Variants in ZXDC observed in about 807,000 individuals in gnomAD.
ZXDC encodes the protein zinc finger protein ZXDC.
A neutral mutation model predicts 63.6 loss-of-function variants in ZXDC; 58 were observed. That is an observed-to-expected ratio of 0.91 (90% CI 0.74 to 1.13). The LOEUF (loss-of-function observed/expected upper bound fraction) is 1.13, where lower values mean the gene tolerates loss of function less well. Among genes scored for constraint, ZXDC ranks in the 50% most tolerant of loss-of-function variants. The pLI is 0.00. For missense variants in ZXDC, 1,133 were observed against 1,148.9 expected (o/e 0.99, Z 0.20); for synonymous variants, 561 against 496.1 (o/e 1.13, Z -1.74).
intron 7 of ZXDC, chr3:126,452,911 AT>A (rs201707035): frequency 1.8e-4 from 105 of 581,916 alleles, no homozygotes; most frequent in Middle Eastern, 8.8e-4. Flanking sequence ...GCTAATTATT[AT>A]TTTTTTTACA....
rs759488782 is a variant in ZXDC, at chr3:126,459,692, C to A, written c.2173G>T (p.Ala725Ser). 1.9e-5 allele frequency: 30 copies of A among 1,614,170 alleles called. No individual in the cohort carries two copies. The highest frequency in any genetic ancestry group is 2.5e-5 in the Non-Finnish European group (29 of 1,180,020). Reference protein sequence around the residue: ...ARTDYRAIQLAKEKKQRGAGS... With the variant: ...ARTDYRAIQLSKEKKQRGAGS... Reference sequence around the variant, plus strand: ...GCTCCTCTCTGCTTTTTTTCCTTGGCTAGTTGAATGGCTCGGTAATCAGTT... The same window carrying A: ...GCTCCTCTCTGCTTTTTTTCCTTGGATAGTTGAATGGCTCGGTAATCAGTT... The change falls in exon 7 of 10, where the codon GCC becomes TCC. Residue 725 changes from alanine (A) to serine (S), a missense_variant. By Grantham distance (99) the Ala-to-Ser change is moderately conservative. Coordinates refer to ENST00000389709, the MANE Select transcript of ZXDC (RefSeq NM_025112.5).
chr3:126,460,861 T>C (rs1934499633), intron 6 of ZXDC: 1 of 985,288 alleles, frequency 1.0e-6, no homozygotes, highest in Admixed American at 6.1e-5. Flanking sequence ...CTCAACAATA[T>C]AAATGTCACC....
At chr3:126,439,590 G>A (rs1301371574) in intron 9 of ZXDC, 42 bp downstream of exon 9, 40 of 1,551,116 alleles carry the variant, frequency 2.6e-5, no homozygotes, top group African/African-American at 5.5e-5. Context: ...AAGGCTCTGC[G>A]AGTCTCAATA....
At chr3:126,440,145 G>A (rs1463880857) in intron 8 of ZXDC, 9 of 1,011,384 alleles carry the variant, frequency 8.9e-6, no homozygotes, top group Non-Finnish European at 1.1e-5. Context: ...GCCCCAGCTT[G>A]CCTACGGGCC....
Position 126,462,184 on chromosome 3 carries a change from G to C in ZXDC, c.1478C>G (p.Thr493Ser). 1 of 1,606,416 alleles carries C rather than the reference G, an allele frequency of 6.2e-7. No individual in the cohort carries two copies. The highest frequency in any genetic ancestry group is 8.5e-7 in the Non-Finnish European group (1 of 1,177,760). ...TGGGCTGCTGAGTTCACTGCTGGGA[G>C]TAAGAGAACTCGGAGCTTCTAGCTG... ...LPQLEAPSSL[T>S]PSSELSSPGQ... The change falls in exon 6 of 10, where the codon ACT becomes AGT. Residue 493 changes from threonine (T) to serine (S), a missense_variant. Transcript: ENST00000389709.
At chr3:126,465,830 G>A (rs1934735483) in intron 5 of ZXDC, among the ~76,000 whole-genome samples, 1 of 152,086 alleles carries the variant, frequency 6.6e-6, no homozygotes, top group Non-Finnish European at 1.5e-5. Context: ...GGATGCCTGT[G>A]GGCTCAGCTA....
intron 8 of ZXDC, chr3:126,440,268 C>T (rs1933625851): frequency 2.0e-6 from 2 of 989,650 alleles, no homozygotes; most frequent in African/African-American, 3.5e-5. Context: ...CCTGCACCTG[C>T]ATGTCCGCCC....
At chr3:126,460,262 A>T (rs1446551691) in intron 6 of ZXDC, 1 of 602,958 alleles carries the variant, frequency 1.7e-6, no homozygotes, top group Admixed American at 6.3e-5. Context: ...AGGGAGTCAG[A>T]CAGTACTCAG....
chr3:126,444,225 A>T (rs946247952), intron 7 of ZXDC, among the ~76,000 whole-genome samples: 1 of 152,202 alleles, frequency 6.6e-6, no homozygotes, highest in African/African-American at 2.4e-5. Flanking sequence ...AAAAATACTG[A>T]AACATGTTAT....
chr3:126,448,932 C>T (rs16837490), intron 7 of ZXDC, among the ~76,000 whole-genome samples: 9,034 of 152,308 alleles, frequency 0.059, 326 homozygotes, highest in African/African-American at 0.076. Context: ...CGGCCAGCAT[C>T]CACACGGCAG....
Position 126,438,141 on chromosome 3 carries a change from C to A in ZXDC, c.*234G>T. ...GCACCTAGCCCTGCTGAGGGAGACC[C>A]TTGCCTTGCCAAAGCACTTTGCTCA... On this transcript the variant is annotated 3_prime_UTR_variant, in exon 10 of 10. Transcript: ENST00000389709. The A allele has an allele frequency of 1.7e-6, 1 of 572,838 alleles. No individual in the cohort carries two copies. Among genetic ancestry groups the A allele is most frequent in the Non-Finnish European group, 3.1e-6 (1 of 319,328 alleles). The allele number at this position is 572,838 out of a possible 1,614,324, so 35.5% of individuals were successfully genotyped here.
intron 3 of ZXDC, 77 bp from the exon 4 acceptor site, chr3:126,471,102 C>G: frequency 6.5e-7 from 1 of 1,532,832 alleles, no homozygotes; most frequent in South Asian, 1.2e-5. Flanking sequence ...ACAAAACATA[C>G]CAAAACACAA....
chr3:126,460,460 G>A (rs77808602), intron 6 of ZXDC: 1 of 984,794 alleles, frequency 1.0e-6, no homozygotes, highest in South Asian at 4.7e-5. Flanking sequence ...ATGAACACGG[G>A]GTTAAGACCA....
At chr3:126,461,323 T>C in intron 6 of ZXDC, 2 of 1,368,146 alleles carry the variant, frequency 1.5e-6, no homozygotes, top group Non-Finnish European at 1.9e-6. Flanking sequence ...CAAATCTCCT[T>C]ATGCAGGAAA....
intron 8 of ZXDC, chr3:126,440,840 G>C (rs1218978570): frequency 2.5e-5 from 25 of 985,902 alleles, no homozygotes; most frequent in Middle Eastern, 5.1e-4. Flanking sequence ...CCCTCCTCTT[G>C]CCTCTCTGAG....
chr3:126,470,124 T>C (rs369179520), intron 4 of ZXDC, among the ~76,000 whole-genome samples: 1 of 152,126 alleles, frequency 6.6e-6, no homozygotes, highest in African/African-American at 2.4e-5. Flanking sequence ...TTCTGGCAAA[T>C]GAACTGAGCC....
chr3:126,442,122 AC>A, intron 7 of ZXDC, 176 bp from the exon 8 acceptor site: 1 of 628,888 alleles, frequency 1.6e-6, no homozygotes, highest in African/African-American at 1.9e-5. Flanking sequence ...GAAACAAACA[AC>A]CATACGAACA....
chr3:126,460,691 C>T, intron 6 of ZXDC: 3 of 985,382 alleles, frequency 3.0e-6, no homozygotes, highest in Non-Finnish European at 3.6e-6. Flanking sequence ...CACCGACAAG[C>T]AAGACACCAG....
intron 7 of ZXDC, among the ~76,000 whole-genome samples, chr3:126,458,244 T>C (rs1170950776): frequency 1.3e-5 from 2 of 151,534 alleles, no homozygotes; most frequent in Non-Finnish European, 2.9e-5. Flanking sequence ...TTACTTTTTT[T>C]TTTTTTTTTT....
Sources: gnomAD v4.1 joint callset for allele counts (sites outside exome capture counted in the v4.1 genomes callset) on GRCh38, gnomAD v4.1.1 for gene constraint, MANE v1.5 for transcripts, NCBI Gene and HGNC (gene_info 2026-07-23, HGNC 2026-07-21) for gene names.